TMEM119: variants seen among roughly 807,000 people sequenced by gnomAD.
TMEM119 encodes the protein osteoblast induction factor.
For synonymous variants in TMEM119, 182 were observed against 176.4 expected (o/e 1.03, Z -0.25); for missense variants, 410 against 381.0 (o/e 1.08, Z -0.63).
chr12:108,593,650 C>A (rs1035741450), intron 1 of TMEM119, among the ~76,000 whole-genome samples: 3 of 152,190 alleles, frequency 2.0e-5, no homozygotes, highest in East Asian at 1.9e-4. Flanking sequence ...GCCCCGCCCC[C>A]ACTAGATGGG....
At chr12:108,597,646 G>A (rs2031526952) in intron 1 of TMEM119, among the ~76,000 whole-genome samples, 1 of 151,722 alleles carries the variant, frequency 6.6e-6, no homozygotes, top group Admixed American at 6.6e-5. Flanking sequence ...GCCGATCCCT[G>A]CACACAGGAC....
intron 1 of TMEM119, among the ~76,000 whole-genome samples, chr12:108,593,978 C>T (rs904752912): frequency 9.2e-5 from 14 of 152,298 alleles, no homozygotes; most frequent in African/African-American, 3.4e-4. Context: ...GTCCTGAGGC[C>T]TCAGGGAACT....
intron 1 of TMEM119, among the ~76,000 whole-genome samples, chr12:108,594,982 C>T (rs184785037): frequency 6.6e-6 from 1 of 152,128 alleles, no homozygotes; most frequent in African/African-American, 2.4e-5. Flanking sequence ...GCTTTCCTCG[C>T]GGGTACTCAT....
rs775233583 is a variant in TMEM119 at position 108,592,178 on chromosome 12, G to A, written c.206C>T (p.Pro69Leu). The A allele has an allele frequency of 1.9e-6, 3 of 1,613,774 alleles. No individual in the cohort carries two copies. The highest frequency in any genetic ancestry group is 2.5e-6 in the Non-Finnish European group (3 of 1,179,936). ...TGGGCCCCCCAGGGTTATGGGCTGG[G>A]GCCCCATCGATGTGGGGCTGAGGGC... ...TPALSPTSMG[P>L]QPITLGGPSP... Residue 69 changes from proline to leucine, a missense_variant, in exon 2 of 2, where the codon CCC becomes CTC. By Grantham distance (98) the Pro-to-Leu change is moderately conservative (BLOSUM62 -3). Transcript: ENST00000392806. The surrounding 1 kb of genome is among the most constrained non-coding windows in gnomAD (Gnocchi z 4.3).
Position 108,592,415 on chromosome 12 carries a change from G to A in TMEM119, c.-14-18C>T. 6.5e-7 allele frequency: 1 copy of A among 1,527,826 alleles called. No individual in the cohort carries two copies. Among genetic ancestry groups the A allele is most frequent in the Non-Finnish European group, 8.7e-7 (1 of 1,144,346 alleles). The allele number at this position is 1,527,826 out of a possible 1,614,324, so 94.6% of individuals were successfully genotyped here. The stretch of plus-strand genomic sequence containing the variant: ...CCCAGGACCTGTGAGACAGGAGGGA[G>A]GAGAGAAGTCATGGCGGAACTCTAG... On this transcript the variant is annotated intron_variant, in intron 1 of 1. Coordinates refer to ENST00000392806, the MANE Select transcript of TMEM119 (RefSeq NM_181724.3). The surrounding 1 kb of genome is among the most constrained non-coding windows in gnomAD (Gnocchi z 4.3).
At chr12:108,597,199 G>A (rs1281125473) in intron 1 of TMEM119, among the ~76,000 whole-genome samples, 1 of 152,158 alleles carries the variant, frequency 6.6e-6, no homozygotes, top group African/African-American at 2.4e-5. Flanking sequence ...GTGGAGGAGT[G>A]CAGATGCACC....
intron 1 of TMEM119, among the ~76,000 whole-genome samples, chr12:108,595,254 C>T (rs556339809): frequency 5.3e-5 from 8 of 151,262 alleles, no homozygotes; most frequent in African/African-American, 7.3e-5. Context: ...CATTCATACA[C>T]GCCACACACT....
chr12:108,595,410 C>T (rs2031488476), intron 1 of TMEM119, among the ~76,000 whole-genome samples: 1 of 150,774 alleles, frequency 6.6e-6, no homozygotes, highest in Admixed American at 6.6e-5. Context: ...ATACCACACA[C>T]ACACTCACAC....
intron 1 of TMEM119, among the ~76,000 whole-genome samples, chr12:108,593,454 A>AAG (rs1565882450): frequency 6.6e-6 from 1 of 151,862 alleles, no homozygotes; most frequent in African/African-American, 2.4e-5. Context: ...TCAAGAAGAA[A>AAG]AAAAAAAAAA....
Position 108,595,882 on chromosome 12 carries a change from C to T in TMEM119, c.-15+2088G>A, listed in dbSNP as rs924020449. Among the ~76,000 whole-genome samples the T allele has an allele frequency of 6.6e-5, 10 of 152,336 alleles. No individual in the cohort carries two copies. In the East Asian group the frequency reaches 1.7e-3, roughly 26 times the overall value. ...CCCTGCCTCCCACCCCCAGTCAAGC[C>T]TAGGAGAGAGCTTTTGTGGCAACAA... On this transcript the variant is annotated intron_variant, in intron 1 of 1. Transcript: ENST00000392806.
At position 108,592,201 on chromosome 12, in the gene TMEM119, G is replaced by C. The variant is rs765079004; in HGVS notation, c.183C>G (p.Ala61=). Residue 61 remains alanine (A), a synonymous_variant, in exon 2 of 2, where the codon GCC becomes GCG. Coordinates refer to ENST00000392806, the MANE Select transcript of TMEM119 (RefSeq NM_181724.3). The surrounding 1 kb of genome is among the most constrained non-coding windows in gnomAD (Gnocchi z 4.3). ...SPSLPPPWTP[A]LSPTSMGPQP... is the part of the protein sequence containing the mutation. ...GGGGCCCCATCGATGTGGGGCTGAG[G>C]GCCGGGGTCCAGGGTGGCGGGAGGC... is the stretch of plus-strand genomic sequence containing the variant. 6.2e-7 allele frequency: 1 copy of C among 1,613,578 alleles called. No individual in the cohort carries two copies. The highest frequency in any genetic ancestry group is 1.7e-5 in the Admixed American group (1 of 60,016).
rs1042888867 is a variant in TMEM119, at chr12:108,590,045, G to C, written c.*1487C>G. ...ACACAGGCTGCCAGACAATGTGTGA[G>C]CAACAGGGGGTGGCCAGGGCCCCCC... On this transcript the variant is annotated 3_prime_UTR_variant, in exon 2 of 2. Transcript: ENST00000392806. 4.6e-5 allele frequency: 7 copies of C among 152,242 alleles called. No homozygotes were observed. Among genetic ancestry groups the C allele is most frequent in the Admixed American group, 3.3e-4 (5 of 15,278 alleles). The allele number at this position is 152,242 out of a possible 1,614,324, so 9.4% of individuals were successfully genotyped here.
At chr12:108,596,587 G>A (rs2031508796) in intron 1 of TMEM119, among the ~76,000 whole-genome samples, 1 of 152,214 alleles carries the variant, frequency 6.6e-6, no homozygotes, top group Admixed American at 6.5e-5. Context: ...GGCAACGTAT[G>A]GAGGACCCAG....
chr12:108,596,787 G>A lies in TMEM119; in HGVS notation c.-15+1183C>T, dbSNP rs542206280. ...GACTCAGAATCTAACAGGCCATTAG[G>A]AGCTGGGGTCAGGCCCAACGCCTCT... On this transcript the variant is annotated intron_variant, in intron 1 of 1. Transcript: ENST00000392806. Among the ~76,000 whole-genome samples, 4 of 152,334 alleles carry A rather than the reference G, an allele frequency of 2.6e-5. No homozygotes were observed. The South Asian group carries it at 8.3e-4, about 32-fold the overall frequency.
In TMEM119 at chr12:108,591,730, TTCC is replaced by T. The variant is rs2031402408; in HGVS notation, c.651_653del (p.Glu218del). Reference sequence around the variant, plus strand: ...CCACTGGGACCCCATGTCCCTGGACTTCCTGGTCCCCCTCCTGGCTGCCCTTCT... The same window carrying T: ...CCACTGGGACCCCATGTCCCTGGACTTGGTCCCCCTCCTGGCTGCCCTTCT... On this transcript the variant is annotated inframe_deletion, in exon 2 of 2. Transcript: ENST00000392806. The surrounding 1 kb of genome is among the most constrained non-coding windows in gnomAD (Gnocchi z 4.2). 6.2e-7 allele frequency: 1 copy of T among 1,607,186 alleles called. No homozygotes were observed. Among genetic ancestry groups the T allele is most frequent in the Non-Finnish European group, 8.5e-7 (1 of 1,176,494 alleles).
Position 108,591,943 on chromosome 12 carries a change from G to A in TMEM119, c.441C>T (p.Pro147=), listed in dbSNP as rs2031411218. Residue 147 remains proline, a synonymous_variant, in exon 2 of 2, where the codon CCC becomes CCT. Coordinates refer to ENST00000392806, the MANE Select transcript of TMEM119 (RefSeq NM_181724.3). The surrounding 1 kb of genome is among the most constrained non-coding windows in gnomAD (Gnocchi z 4.2). The part of the protein sequence containing the change: ...YVDQSDRAGG[P]RAFSEVPDRA... ...TGTCGGGGACCTCACTGAAGGCCCGGGGGCCCCCGGCCCGGTCACTCTGGT... is the reference window on the plus strand; with the variant it reads ...TGTCGGGGACCTCACTGAAGGCCCGAGGGCCCCCGGCCCGGTCACTCTGGT... 6.2e-7 allele frequency: 1 copy of A among 1,612,908 alleles called. No individual in the cohort carries two copies. The highest frequency in any genetic ancestry group is 8.5e-7 in the Non-Finnish European group (1 of 1,179,572).
In TMEM119 at chr12:108,597,073, A is replaced by G. The variant is rs2031515601; in HGVS notation, c.-15+897T>C. Among the ~76,000 whole-genome samples, 4 of 152,314 alleles carry G rather than the reference A, an allele frequency of 2.6e-5. No homozygotes were observed. In the South Asian group the frequency reaches 8.3e-4, roughly 32 times the overall value. The stretch of plus-strand genomic sequence containing the variant: ...CAAGATGCGGCCATGCCTGGTGCAC[A>G]GTGGGTGCCAATTAGCAGGTACCAC... On this transcript the variant is annotated intron_variant, in intron 1 of 1. Coordinates refer to ENST00000392806, the MANE Select transcript of TMEM119 (RefSeq NM_181724.3).
intron 1 of TMEM119, among the ~76,000 whole-genome samples, chr12:108,595,394 A>G (rs2031488001): frequency 6.7e-6 from 1 of 150,104 alleles, no homozygotes; most frequent in South Asian, 2.1e-4. Flanking sequence ...ACAACCATGC[A>G]CACACATACC....
At chr12:108,594,653 C>T (rs2031475705) in intron 1 of TMEM119, 1 of 150,562 alleles carries the variant, frequency 6.6e-6, no homozygotes, top group African/African-American at 2.4e-5. Flanking sequence ...TAAAAAGAGG[C>T]AAAATTGGCC....
Sources: allele counts gnomAD v4.1 joint callset (sites outside exome capture counted in the v4.1 genomes callset), GRCh38; gene constraint gnomAD v4.1.1; non-coding constraint Gnocchi (gnomAD v3.1); transcripts MANE v1.5; gene names NCBI Gene and HGNC (gene_info 2026-07-23, HGNC 2026-07-21).